Variants in CIMIP2A observed in about 807,000 individuals in gnomAD.
The protein encoded by CIMIP2A is ciliary microtubule inner protein 2A.
At chr9:137,251,967 G>A in the CIMIP2A span, 15 of 1,601,744 alleles carry the variant, frequency 9.4e-6, no homozygotes, top group African/African-American at 1.1e-4. Context: ...CCGCTGAAAG[G>A]AGCCCAGGCC....
the CIMIP2A span, chr9:137,245,886 C>T: frequency 1.4e-6 from 2 of 1,468,596 alleles, no homozygotes; most frequent in Non-Finnish European, 1.8e-6. Flanking sequence ...CAGGGCAGGT[C>T]TCAAGGGCAG....
the CIMIP2A span, chr9:137,244,778 G>A: frequency 6.2e-7 from 1 of 1,600,452 alleles, no homozygotes; most frequent in Non-Finnish European, 8.5e-7. Flanking sequence ...AGCCCCCTTA[G>A]CCTTCCCCTG....
At chr9:137,251,207 G>T in the CIMIP2A span, 2 of 1,012,798 alleles carry the variant, frequency 2.0e-6, no homozygotes, top group Non-Finnish European at 3.2e-6. Flanking sequence ...TCTTCCTCAG[G>T]AGTCCCAGCA....
chr9:137,254,609 G>A, the CIMIP2A span, among the ~76,000 whole-genome samples: 1 of 152,264 alleles, frequency 6.6e-6, no homozygotes, highest in East Asian at 1.9e-4. Context: ...TTTCAGCAGC[G>A]GAGACCGAAA....
the CIMIP2A span, chr9:137,243,696 A>G: frequency 6.2e-7 from 1 of 1,614,000 alleles, no homozygotes; most frequent in Non-Finnish European, 8.5e-7. Flanking sequence ...CCATTAAAGC[A>G]TTTTCATAGT....
At chr9:137,245,424 C>A in the CIMIP2A span, 14 of 1,613,798 alleles carry the variant, frequency 8.7e-6, no homozygotes, top group Admixed American at 2.3e-4. Context: ...ACGGAGGGTG[C>A]GGGGTGTCGG....
the CIMIP2A span, chr9:137,244,316 C>T: frequency 4.3e-6 from 7 of 1,612,736 alleles, no homozygotes; most frequent in East Asian, 2.2e-5. Flanking sequence ...TGCTAACAAG[C>T]TCCCTCCCCG....
chr9:137,248,907 A>G, the CIMIP2A span, among the ~76,000 whole-genome samples: 1 of 152,332 alleles, frequency 6.6e-6, no homozygotes, highest in East Asian at 1.9e-4. Flanking sequence ...AAACTAAAAA[A>G]CTGGAAAAAA....
chr9:137,244,633 C>A, the CIMIP2A span: 8 of 1,613,524 alleles, frequency 5.0e-6, no homozygotes, highest in Admixed American at 1.3e-4. Context: ...CTGGATGGCG[C>A]TTTCCTACCT....
the CIMIP2A span, among the ~76,000 whole-genome samples, chr9:137,254,318 C>T: frequency 6.6e-6 from 1 of 152,256 alleles, no homozygotes; most frequent in Non-Finnish European, 1.5e-5. Flanking sequence ...CTGGAACCCT[C>T]GCCCTAGGGC....
chr9:137,244,385 C>T, the CIMIP2A span: 235 of 1,585,762 alleles, frequency 1.5e-4, no homozygotes, highest in East Asian at 7.6e-4. Flanking sequence ...GCCGGCACTC[C>T]GTGGGAAAGC....
the CIMIP2A span, chr9:137,251,425 G>A: frequency 1.5e-5 from 23 of 1,540,716 alleles, no homozygotes; most frequent in South Asian, 2.3e-5. Flanking sequence ...GAGAAGGGGC[G>A]GGCCAGCTGG....
At chr9:137,253,117 C>T in the CIMIP2A span, 39 of 1,564,508 alleles carry the variant, frequency 2.5e-5, no homozygotes, top group African/African-American at 1.6e-4. Context: ...TTCGGCAGCC[C>T]GAACCCCTGG....
the CIMIP2A span, chr9:137,252,531 G>A: frequency 5.0e-4 from 798 of 1,586,478 alleles, no homozygotes; most frequent in African/African-American, 9.3e-3. Context: ...AAAAGGTTGG[G>A]GGCTGGGCAG....
the CIMIP2A span, among the ~76,000 whole-genome samples, chr9:137,249,017 G>GTT: frequency 9.7e-3 from 1,459 of 149,826 alleles, 10 homozygotes; most frequent in Middle Eastern, 0.028. Flanking sequence ...AGACTAATAT[G>GTT]GTTTTTTTTT....
the CIMIP2A span, among the ~76,000 whole-genome samples, chr9:137,247,366 C>T: frequency 4.6e-5 from 7 of 152,268 alleles, no homozygotes; most frequent in African/African-American, 7.2e-5. Flanking sequence ...CGGCCTCTGC[C>T]GGCTGCTGGC....
chr9:137,251,745 G>C, the CIMIP2A span: 3 of 1,567,776 alleles, frequency 1.9e-6, no homozygotes, highest in Non-Finnish European at 2.6e-6. Flanking sequence ...CAGGCCCAAG[G>C]CATCTGTGCT....
At chr9:137,245,224 G>A in the CIMIP2A span, 1 of 1,579,932 alleles carries the variant, frequency 6.3e-7, no homozygotes, top group Non-Finnish European at 8.6e-7. Context: ...TACAGCTGGA[G>A]CGGGGAGGAA....
chr9:137,244,530 C>T, the CIMIP2A span: 3 of 1,527,186 alleles, frequency 2.0e-6, no homozygotes, highest in African/African-American at 2.7e-5. Flanking sequence ...AGAGCCCCCT[C>T]CTCAGGCTTC....
Sources: gnomAD v4.1 joint callset for allele counts (sites outside exome capture counted in the v4.1 genomes callset) on GRCh38, gnomAD v4.1.1 for gene constraint, MANE v1.5 for transcripts, NCBI Gene and HGNC (gene_info 2026-07-23, HGNC 2026-07-21) for gene names.